EPHA3: variants seen among roughly 807,000 people sequenced by gnomAD.
EPHA3 encodes the protein EPH receptor A3.
EPHA3 carries 42 observed loss-of-function variants against 107.1 expected under a neutral mutation model. The observed-to-expected ratio is 0.39, with a 90% CI of 0.31 to 0.51. The LOEUF is 0.51. Ranked by LOEUF, EPHA3 falls within the 20% of genes least tolerant of loss-of-function variation. EPHA3 has a pLI of 0.78. For missense variants in EPHA3, 1,183 were observed against 1,211.2 expected (o/e 0.98, Z 0.35); for synonymous variants, 461 against 424.8 (o/e 1.09, Z -1.05).
chr3:89,336,343 C>A (rs1707392663), intron 3 of EPHA3, among the ~76,000 whole-genome samples: 1 of 152,142 alleles, frequency 6.6e-6, no homozygotes, highest in Admixed American at 6.6e-5. Context: ...CACATTCACA[C>A]ACAAACATAG....
In EPHA3 at chr3:89,367,102, A is replaced by G. The variant is rs562559127; in HGVS notation, c.1306+25012A>G. 1.7e-4 allele frequency among the ~76,000 whole-genome samples: 26 copies of G among 150,790 alleles called. No homozygotes were observed. In the South Asian group the frequency reaches 3.3e-3, roughly 19 times the overall value. On this transcript the variant is annotated intron_variant, in intron 5 of 16. Coordinates refer to ENST00000336596, the MANE Select transcript of EPHA3 (RefSeq NM_005233.6). Reference sequence around the variant, plus strand: ...TCTGTTTTACAAAGTACCTTAATCCAAGTGCTTTACTGTGACTTACAAAGC... The same window carrying G: ...TCTGTTTTACAAAGTACCTTAATCCGAGTGCTTTACTGTGACTTACAAAGC...
intron 2 of EPHA3, among the ~76,000 whole-genome samples, chr3:89,154,034 A>G (rs1305110984): frequency 6.6e-6 from 1 of 152,010 alleles, no homozygotes; most frequent in Non-Finnish European, 1.5e-5. Flanking sequence ...TCCTGAAGCC[A>G]TGAGGCCCCC....
intron 3 of EPHA3, among the ~76,000 whole-genome samples, chr3:89,287,433 T>G (rs567493560): frequency 6.6e-6 from 1 of 152,200 alleles, no homozygotes; most frequent in South Asian, 2.1e-4. Flanking sequence ...TGAAAAGAAA[T>G]GATAATGATG....
At chr3:89,165,086 G>A (rs1171551798) in intron 2 of EPHA3, among the ~76,000 whole-genome samples, 1 of 152,138 alleles carries the variant, frequency 6.6e-6, no homozygotes, top group Non-Finnish European at 1.5e-5. Context: ...TGAGGGATTA[G>A]GAACATAAAA....
chr3:89,405,228 C>T (rs116338689), intron 7 of EPHA3, among the ~76,000 whole-genome samples: 345 of 152,150 alleles, frequency 2.3e-3, no homozygotes, highest in Non-Finnish European at 3.1e-3. Flanking sequence ...TTGGCCAAGC[C>T]GATGGGGAGT....
intron 5 of EPHA3, among the ~76,000 whole-genome samples, chr3:89,361,766 G>A (rs1708096076): frequency 6.6e-6 from 1 of 151,020 alleles, no homozygotes; most frequent in South Asian, 2.1e-4. Context: ...CTGGAGAGGT[G>A]ATAATAACTT....
Position 89,319,035 on chromosome 3 carries a change from A to G in EPHA3, c.815-21881A>G, listed in dbSNP as rs1706978459. On this transcript the variant is annotated intron_variant, in intron 3 of 16. Coordinates refer to ENST00000336596, the MANE Select transcript of EPHA3 (RefSeq NM_005233.6). ...TCTTAGTTATGCTTTTGATGAAATCATTGATCTCTACTATCAGTATTCACC... is the reference window on the plus strand; with the variant it reads ...TCTTAGTTATGCTTTTGATGAAATCGTTGATCTCTACTATCAGTATTCACC... 1.3e-5 allele frequency among the ~76,000 whole-genome samples: 2 copies of G among 151,950 alleles called. 1 individual carries two copies. The highest frequency in any genetic ancestry group is 4.1e-4 in the South Asian group (2 of 4,828).
At chr3:89,391,265 A>G (rs2107498498) in intron 5 of EPHA3, among the ~76,000 whole-genome samples, 1 of 152,168 alleles carries the variant, frequency 6.6e-6, no homozygotes, top group African/African-American at 2.4e-5. Flanking sequence ...GGTGTTTGGA[A>G]GTTTTCAGTA....
At chr3:89,304,156 T>C (rs1159850043) in intron 3 of EPHA3, among the ~76,000 whole-genome samples, 2 of 152,048 alleles carry the variant, frequency 1.3e-5, no homozygotes, top group African/African-American at 4.8e-5. Flanking sequence ...GAACCAACTG[T>C]GGTTTTCCCT....
Position 89,109,556 on chromosome 3 carries a change from T to C in EPHA3, c.88+1720T>C, listed in dbSNP as rs187806372. Among the ~76,000 whole-genome samples the C allele has an allele frequency of 3.9e-5, 6 of 152,108 alleles. No individual in the cohort carries two copies. The East Asian group carries it at 9.7e-4, about 24-fold the overall frequency. On this transcript the variant is annotated intron_variant, in intron 1 of 16. Transcript: ENST00000336596. The stretch of plus-strand genomic sequence containing the variant: ...ACAAGAATGTAGCTGTTAGTCAGTA[T>C]TTTTGTGGAAAACAACCTTTAAGTA...
intron 15 of EPHA3, among the ~76,000 whole-genome samples, chr3:89,453,369 C>T (rs115534088): frequency 0.037 from 5,702 of 152,144 alleles, 103 homozygotes; most frequent in South Asian, 0.048. Flanking sequence ...TCCTAGCATC[C>T]AAATTTTAAC....
At chr3:89,150,917 A>G (rs2107043069) in intron 2 of EPHA3, among the ~76,000 whole-genome samples, 1 of 152,116 alleles carries the variant, frequency 6.6e-6, no homozygotes, top group African/African-American at 2.4e-5. Context: ...TAGAGGCTGC[A>G]GTGAGCTATG....
At chr3:89,208,028 T>C (rs1237821356) in intron 2 of EPHA3, among the ~76,000 whole-genome samples, 2 of 152,106 alleles carry the variant, frequency 1.3e-5, no homozygotes, top group Non-Finnish European at 2.9e-5. Context: ...GTCAGGGTTA[T>C]GGAAGGCATA....
At chr3:89,135,762 G>GAAAA (rs11369116) in intron 2 of EPHA3, among the ~76,000 whole-genome samples, 1 of 147,824 alleles carries the variant, frequency 6.8e-6, no homozygotes, top group Admixed American at 6.8e-5. Flanking sequence ...AAGTTTAACT[G>GAAAA]AAAAAAAAAA....
chr3:89,258,542 T>C (rs925481517), intron 3 of EPHA3, among the ~76,000 whole-genome samples: 1 of 152,056 alleles, frequency 6.6e-6, no homozygotes, highest in Admixed American at 6.6e-5. Flanking sequence ...AAAAACAACA[T>C]GAAATTGAAA....
intron 3 of EPHA3, among the ~76,000 whole-genome samples, chr3:89,319,403 C>T (rs184400634): frequency 5.0e-4 from 76 of 151,894 alleles, no homozygotes; most frequent in Middle Eastern, 3.4e-3. Context: ...TTAGGATATC[C>T]GATACACAAG....
rs542761137 is a variant in EPHA3, at chr3:89,132,864, T to C, written c.153+5591T>C. 2.0e-4 allele frequency among the ~76,000 whole-genome samples: 31 copies of C among 152,282 alleles called. 1 individual carries two copies. The South Asian group carries it at 5.8e-3, about 29-fold the overall frequency. Reference sequence around the variant, plus strand: ...ACGACTGAGCCGCTGCACTCTAGCCTGAATGACGGAGCCAGACTCTGTCTC... The same window carrying C: ...ACGACTGAGCCGCTGCACTCTAGCCCGAATGACGGAGCCAGACTCTGTCTC... On this transcript the variant is annotated intron_variant, in intron 2 of 16. Transcript: ENST00000336596.
rs536472978 is a variant in EPHA3, at chr3:89,458,450, T to C, written c.2690+8080T>C. Reference sequence around the variant, plus strand: ...AGATTCAAACGGTATTAACAAAAGCTGAAAAAGGGAAAGAAAAACAAAAAC... The same window carrying C: ...AGATTCAAACGGTATTAACAAAAGCCGAAAAAGGGAAAGAAAAACAAAAAC... On this transcript the variant is annotated intron_variant, in intron 15 of 16. Coordinates refer to ENST00000336596, the MANE Select transcript of EPHA3 (RefSeq NM_005233.6). 7.9e-5 allele frequency among the ~76,000 whole-genome samples: 12 copies of C among 152,028 alleles called. No homozygotes were observed. The South Asian group carries it at 1.7e-3, about 21-fold the overall frequency.
chr3:89,428,815 T>C (rs1447630668), intron 11 of EPHA3, among the ~76,000 whole-genome samples: 1 of 152,058 alleles, frequency 6.6e-6, no homozygotes, highest in African/African-American at 2.4e-5. Flanking sequence ...AGAATTTAAT[T>C]AAAGAGAGGA....
Sources: gnomAD v4.1 joint callset for allele counts (sites outside exome capture counted in the v4.1 genomes callset) on GRCh38, gnomAD v4.1.1 for gene constraint, MANE v1.5 for transcripts, NCBI Gene and HGNC (gene_info 2026-07-23, HGNC 2026-07-21) for gene names.